Variants in PDK1 observed in about 807,000 individuals in gnomAD.
PDK1 encodes pyruvate dehydrogenase kinase 1.
A neutral mutation model predicts 54.2 loss-of-function variants in PDK1; 39 were observed. The observed-to-expected ratio is 0.72, with a 90% CI of 0.56 to 0.94. The LOEUF is 0.94. Among genes scored for constraint, PDK1 ranks in the 40% least tolerant of loss-of-function variants. The probability of loss-of-function intolerance (pLI) is 0.00; values close to 1 mark genes in which losing one functional copy is unlikely to be tolerated. For synonymous variants in PDK1, 221 were observed against 207.1 expected (o/e 1.07, Z -0.58); for missense variants, 552 against 566.0 (o/e 0.98, Z 0.25).
chr2:172,692,938 G>T, the PDK1 span, among the ~76,000 whole-genome samples: 2 of 152,292 alleles, frequency 1.3e-5, no homozygotes, highest in South Asian at 4.1e-4. Flanking sequence ...GGTTGGTTCT[G>T]CAGTTACAGC....
At chr2:172,681,106 C>CT in the PDK1 span, among the ~76,000 whole-genome samples, 4 of 152,272 alleles carry the variant, frequency 2.6e-5, no homozygotes, top group East Asian at 5.8e-4. Flanking sequence ...TGTAATAACT[C>CT]TGAGAGTTTT....
At chr2:172,625,979 GTAGT>G in the PDK1 span, among the ~76,000 whole-genome samples, 2 of 152,238 alleles carry the variant, frequency 1.3e-5, no homozygotes, top group Non-Finnish European at 1.5e-5. Flanking sequence ...ATGTCTAAAG[GTAGT>G]TAGTCTGCAG....
chr2:172,659,882 G>A, the PDK1 span, among the ~76,000 whole-genome samples: 1 of 152,126 alleles, frequency 6.6e-6, no homozygotes, highest in African/African-American at 2.4e-5. Flanking sequence ...ACCTTTTCTG[G>A]GAAGGGAACA....
the PDK1 span, among the ~76,000 whole-genome samples, chr2:172,626,761 TA>T: frequency 0.32 from 47,319 of 149,316 alleles, 8,289 homozygotes; most frequent in African/African-American, 0.49. Context: ...CCACTGCACT[TA>T]AAAAAAAAAA....
chr2:172,621,765 T>C, the PDK1 span, among the ~76,000 whole-genome samples: 2 of 146,380 alleles, frequency 1.4e-5, no homozygotes, highest in African/African-American at 5.2e-5. Context: ...ATCTCATATA[T>C]GTCATATATG....
the PDK1 span, among the ~76,000 whole-genome samples, chr2:172,713,400 C>A: frequency 6.6e-6 from 1 of 152,172 alleles, no homozygotes; most frequent in Admixed American, 6.5e-5. Context: ...AGCCTGTCTG[C>A]CCCCTGCCAC....
the PDK1 span, among the ~76,000 whole-genome samples, chr2:172,715,178 G>T: frequency 2.0e-5 from 3 of 152,082 alleles, no homozygotes; most frequent in African/African-American, 7.2e-5. Flanking sequence ...TTTGATCAAG[G>T]CAGCTTCCCT....
chr2:172,698,408 C>T, the PDK1 span, among the ~76,000 whole-genome samples: 1 of 152,270 alleles, frequency 6.6e-6, no homozygotes, highest in South Asian at 2.1e-4. Flanking sequence ...AAAAGAAAAG[C>T]ACCTTCCTCA....
At position 172,603,120 on chromosome 2, in the gene PDK1, T is replaced by C. The variant is rs1236578021; in HGVS notation, c.*7151T>C. On this transcript the variant is annotated 3_prime_UTR_variant, in exon 11 of 11. Coordinates refer to ENST00000282077, the MANE Select transcript of PDK1 (RefSeq NM_002610.5). Reference sequence around the variant, plus strand: ...GCATTTCTAACAAGTTTCCTGGTGATATTAATGCTGCTGGTCTGTGAGCCA... The same window carrying C: ...GCATTTCTAACAAGTTTCCTGGTGACATTAATGCTGCTGGTCTGTGAGCCA... 3 of 152,214 alleles carry C rather than the reference T, an allele frequency of 2.0e-5. No individual in the cohort carries two copies. The highest frequency in any genetic ancestry group is 3.2e-3 in the Middle Eastern group (1 of 316). 9.4% of individuals were successfully genotyped at this position (152,214 alleles called of 1,614,324 possible).
chr2:172,570,066 A>G (rs771507422), intron 7 of PDK1, among the ~76,000 whole-genome samples: 1 of 152,180 alleles, frequency 6.6e-6, no homozygotes, highest in Non-Finnish European at 1.5e-5. Flanking sequence ...ACTCAATCGC[A>G]ATTGCTGTGC....
At chr2:172,639,037 A>C in the PDK1 span, among the ~76,000 whole-genome samples, 1 of 152,158 alleles carries the variant, frequency 6.6e-6, no homozygotes, top group Admixed American at 6.5e-5. Context: ...AAAAAATTTT[A>C]TTTTTTAAAA....
downstream of PDK1, among the ~76,000 whole-genome samples, chr2:172,609,224 T>C (rs577438770): frequency 5.3e-5 from 8 of 152,054 alleles, no homozygotes; most frequent in Non-Finnish European, 1.2e-4. Flanking sequence ...TTCCAGAAAA[T>C]GATTGTTAAG....
the PDK1 span, among the ~76,000 whole-genome samples, chr2:172,668,842 TACAC>T: frequency 5.8e-4 from 85 of 145,912 alleles, no homozygotes; most frequent in African/African-American, 2.1e-3. Context: ...TGTATGTATA[TACAC>T]ACACACACAT....
chr2:172,680,556 C>CG, the PDK1 span, among the ~76,000 whole-genome samples: 1 of 151,922 alleles, frequency 6.6e-6, no homozygotes, highest in Non-Finnish European at 1.5e-5. Flanking sequence ...GTGGTAGAGA[C>CG]GGGGTCTAGC....
chr2:172,663,517 C>G, the PDK1 span, among the ~76,000 whole-genome samples: 78 of 151,754 alleles, frequency 5.1e-4, 1 homozygote, highest in Middle Eastern at 6.8e-3. Flanking sequence ...GACCTAGGGG[C>G]TAGAGTGCAG....
At chr2:172,642,532 C>T in the PDK1 span, among the ~76,000 whole-genome samples, 1 of 152,228 alleles carries the variant, frequency 6.6e-6, no homozygotes, top group African/African-American at 2.4e-5. Context: ...TACTGAATCA[C>T]AAACTCAGCG....
the PDK1 span, among the ~76,000 whole-genome samples, chr2:172,617,380 G>A: frequency 0.057 from 8,638 of 151,934 alleles, 413 homozygotes; most frequent in East Asian, 0.22. Context: ...TTCCCCTCTA[G>A]TCTATTTTGT....
chr2:172,622,256 ATAT>A, the PDK1 span, among the ~76,000 whole-genome samples: 4 of 132,426 alleles, frequency 3.0e-5, no homozygotes, highest in Admixed American at 7.3e-5. Flanking sequence ...TTTATATCTC[ATAT>A]TATGTGAGAT....
the PDK1 span, among the ~76,000 whole-genome samples, chr2:172,648,393 C>G: frequency 1.3e-5 from 2 of 152,032 alleles, no homozygotes; most frequent in African/African-American, 4.8e-5. Context: ...CCAAGATGGC[C>G]GAATAGGAAC....
Sources: gnomAD v4.1 joint callset for allele counts (sites outside exome capture counted in the v4.1 genomes callset) on GRCh38, gnomAD v4.1.1 for gene constraint, MANE v1.5 for transcripts, NCBI Gene and HGNC (gene_info 2026-07-23, HGNC 2026-07-21) for gene names.